PLCL1: variants seen among roughly 807,000 people sequenced by gnomAD.
PLCL1 encodes inactive phospholipase C-like protein 1.
Under a neutral mutation model 84.4 loss-of-function variants are expected in PLCL1, and 41 were observed. The ratio of observed to expected loss-of-function variants is 0.49; its 90% CI spans 0.38 to 0.63. The LOEUF is 0.63. Ranked by LOEUF, PLCL1 falls within the 30% of genes least tolerant of loss-of-function variation. The probability of loss-of-function intolerance (pLI) is 0.00; values close to 1 mark genes in which losing one functional copy is unlikely to be tolerated. For synonymous variants in PLCL1, 490 were observed against 488.3 expected (o/e 1.00, Z -0.05); for missense variants, 1,206 against 1,367.8 (o/e 0.88, Z 1.87).
rs758935451 is a variant in PLCL1, at chr2:198,085,392, T to G, written c.1875T>G (p.Asn625Lys). The G allele has an allele frequency of 6.2e-7, 1 of 1,611,812 alleles. No homozygotes were observed. Among genetic ancestry groups the G allele is most frequent in the Admixed American group, 1.7e-5 (1 of 59,926 alleles). The change falls in exon 2 of 6, where the codon AAT becomes AAG. Residue 625 changes from asparagine to lysine, a missense_variant. Asn to Lys is a moderately conservative substitution (Grantham distance 94). Coordinates refer to ENST00000428675, the MANE Select transcript of PLCL1 (RefSeq NM_006226.4). This position sits in a 1 kb window ranked among gnomAD's most constrained non-coding sequence, Gnocchi z 5.3. ...FSETEASRIANEYPEDFVNYN... is the reference protein window; with the variant it reads ...FSETEASRIAKEYPEDFVNYN... ...AAACAGAGGCCAGCCGCATTGCAAA[T>G]GAGTACCCAGAGGATTTTGTTAATT...
chr2:198,063,316 AAGG>A (rs1163231718), intron 1 of PLCL1, among the ~76,000 whole-genome samples: 1 of 152,114 alleles, frequency 6.6e-6, no homozygotes, highest in Admixed American at 6.6e-5. Context: ...AAATGAGAGC[AAGG>A]AGGAGGCTGA....
At chr2:197,971,819 C>A (rs1689873708) in intron 1 of PLCL1, among the ~76,000 whole-genome samples, 1 of 152,124 alleles carries the variant, frequency 6.6e-6, no homozygotes, top group South Asian at 2.1e-4. Flanking sequence ...ATAATCTGAT[C>A]TAGCATTTTT....
At chr2:197,961,728 T>C (rs1689628919) in intron 1 of PLCL1, among the ~76,000 whole-genome samples, 2 of 152,004 alleles carry the variant, frequency 1.3e-5, no homozygotes, top group African/African-American at 2.4e-5. Context: ...ATAGACTCTA[T>C]GTGAGAGGTG....
At chr2:197,960,175 C>A (rs542990841) in intron 1 of PLCL1, among the ~76,000 whole-genome samples, 2 of 152,078 alleles carry the variant, frequency 1.3e-5, no homozygotes, top group East Asian at 3.9e-4. Flanking sequence ...CTGCATACTT[C>A]TTTTTCATAG....
At chr2:198,001,347 C>T (rs548886451) in intron 1 of PLCL1, among the ~76,000 whole-genome samples, 6 of 152,186 alleles carry the variant, frequency 3.9e-5, no homozygotes, top group Non-Finnish European at 7.4e-5. Flanking sequence ...AACATGCACA[C>T]AGAAAACTAC....
intron 5 of PLCL1, among the ~76,000 whole-genome samples, chr2:198,133,582 G>T (rs1176096310): frequency 1.3e-5 from 2 of 150,866 alleles, no homozygotes; most frequent in Admixed American, 1.3e-4. Context: ...AAATAAGAAT[G>T]TAAGAGTGAT....
At chr2:198,119,125 CAT>C (rs1313015016) in intron 5 of PLCL1, among the ~76,000 whole-genome samples, 2 of 152,042 alleles carry the variant, frequency 1.3e-5, no homozygotes, top group Admixed American at 1.3e-4. Flanking sequence ...GACAACCAAA[CAT>C]AGTTGATTCA....
intron 1 of PLCL1, among the ~76,000 whole-genome samples, chr2:197,835,733 A>G (rs1479597069): frequency 1.3e-5 from 2 of 152,246 alleles, no homozygotes; most frequent in African/African-American, 2.4e-5. Flanking sequence ...ACATGAGACA[A>G]CGTATGTAAA....
intron 5 of PLCL1, among the ~76,000 whole-genome samples, chr2:198,105,904 C>A (rs1280724085): frequency 6.6e-6 from 1 of 151,632 alleles, no homozygotes; most frequent in African/African-American, 2.4e-5. Context: ...AGTAAATATG[C>A]CACTTTTTAT....
intron 1 of PLCL1, among the ~76,000 whole-genome samples, chr2:197,936,204 C>G (rs1305536121): frequency 6.8e-6 from 1 of 147,700 alleles, no homozygotes. Flanking sequence ...TCTTAGCTAT[C>G]ATGAATAGTG....
rs559145201 is a variant in PLCL1, at chr2:198,085,155, T to G, written c.1638T>G (p.Ser546=). The stretch of plus-strand genomic sequence containing the variant: ...TTGTGAAAGGAAAGAAGTTGCCTTC[T>G]GATCCAGATGTGTTAGAAGGAGAAG... ...MIIVKGKKLP[S]DPDVLEGEVT... The change falls in exon 2 of 6, where the codon TCT becomes TCG. Residue 546 remains serine (S), a synonymous_variant. Coordinates refer to ENST00000428675, the MANE Select transcript of PLCL1 (RefSeq NM_006226.4). The surrounding 1 kb of genome is among the most constrained non-coding windows in gnomAD (Gnocchi z 5.3). The G allele has an allele frequency of 6.2e-7, 1 of 1,614,016 alleles. No homozygotes were observed. The highest frequency in any genetic ancestry group is 1.3e-5 in the African/African-American group (1 of 75,050).
rs555536604 is a variant in PLCL1, at chr2:197,847,011, G to T, written c.240+41672G>T. Among the ~76,000 whole-genome samples, 10 of 152,114 alleles carry T rather than the reference G, an allele frequency of 6.6e-5. No homozygotes were observed. The South Asian group carries it at 1.9e-3, about 28-fold the overall frequency. ...TCCTTGAATAAGTGTGTGTTCTTTG[G>T]TTTGCATGAATGGTATGTACTTTGA... On this transcript the variant is annotated intron_variant, in intron 1 of 5. Coordinates refer to ENST00000428675, the MANE Select transcript of PLCL1 (RefSeq NM_006226.4).
intron 1 of PLCL1, among the ~76,000 whole-genome samples, chr2:197,884,506 G>T (rs1190710027): frequency 1.3e-5 from 2 of 152,178 alleles, no homozygotes; most frequent in African/African-American, 4.8e-5. Context: ...AATGGGGATT[G>T]GTTACTAAGG....
intron 1 of PLCL1, among the ~76,000 whole-genome samples, chr2:197,892,941 G>A (rs1688058048): frequency 6.6e-6 from 1 of 152,168 alleles, no homozygotes; most frequent in African/African-American, 2.4e-5. Context: ...GTTGGAGTGA[G>A]CTGAGATCGC....
chr2:197,809,965 T>C (rs1690550713), intron 1 of PLCL1, among the ~76,000 whole-genome samples: 1 of 152,162 alleles, frequency 6.6e-6, no homozygotes. Context: ...ATTTATAGAT[T>C]TTATTCTCTA....
chr2:197,897,421 C>T (rs1356376362), intron 1 of PLCL1, among the ~76,000 whole-genome samples: 1 of 151,954 alleles, frequency 6.6e-6, no homozygotes, highest in African/African-American at 2.4e-5. Flanking sequence ...CTTCTGAGGC[C>T]ATACCGTCAG....
intron 1 of PLCL1, among the ~76,000 whole-genome samples, chr2:198,067,426 C>T (rs112200046): frequency 6.6e-6 from 1 of 151,742 alleles, no homozygotes; most frequent in African/African-American, 2.4e-5. Context: ...CCGCACCTGG[C>T]CTTTGTGGCC....
intron 1 of PLCL1, among the ~76,000 whole-genome samples, chr2:197,979,553 G>C (rs1291127834): frequency 1.3e-5 from 2 of 152,132 alleles, no homozygotes; most frequent in Non-Finnish European, 2.9e-5. Flanking sequence ...AATCATCTCT[G>C]GTGGGGCCAC....
chr2:197,831,604 A>C (rs1002721738), intron 1 of PLCL1, among the ~76,000 whole-genome samples: 10 of 152,238 alleles, frequency 6.6e-5, no homozygotes, highest in African/African-American at 2.4e-4. Context: ...CATATTCAAC[A>C]GATCAACGAG....
Sources: allele counts gnomAD v4.1 joint callset (sites outside exome capture counted in the v4.1 genomes callset), GRCh38; gene constraint gnomAD v4.1.1; non-coding constraint Gnocchi (gnomAD v3.1); transcripts MANE v1.5; gene names NCBI Gene and HGNC (gene_info 2026-07-23, HGNC 2026-07-21).